STAU2: variants seen among roughly 807,000 people sequenced by gnomAD.
The protein encoded by STAU2 is double-stranded RNA-binding protein Staufen homolog 2.
A neutral mutation model predicts 65.9 loss-of-function variants in STAU2; 20 were observed. The ratio of observed to expected loss-of-function variants is 0.30; its 90% confidence interval spans 0.21 to 0.44. The LOEUF (loss-of-function observed/expected upper bound fraction) is 0.44. Among genes scored for constraint, STAU2 ranks in the 20% least tolerant of loss-of-function variants. STAU2 has a pLI of 1.00. For missense variants in STAU2, 558 were observed against 683.9 expected, an observed-to-expected ratio of 0.82 and a Z score of 2.05; for synonymous variants, 232 against 233.9, an observed-to-expected ratio of 0.99 and a Z score of 0.07.
chr8:73,483,259 C>G (rs1213133808), intron 13 of STAU2, among the ~76,000 whole-genome samples: 3 of 151,872 alleles, frequency 2.0e-5, no homozygotes, highest in Non-Finnish European at 4.4e-5. Context: ...AAAATAAAAC[C>G]AAAAAGCATG....
chr8:73,524,886 G>A (rs989303170), intron 13 of STAU2, among the ~76,000 whole-genome samples: 5 of 152,184 alleles, frequency 3.3e-5, no homozygotes, highest in African/African-American at 1.2e-4. Flanking sequence ...AGATCAAGTT[G>A]ATGCTGCTAC....
At chr8:73,681,324 A>G (rs143888442) in intron 5 of STAU2, among the ~76,000 whole-genome samples, 119 of 152,366 alleles carry the variant, frequency 7.8e-4, no homozygotes, top group Middle Eastern at 3.4e-3. Context: ...GCCTCCTTAA[A>G]TAAAATAATT....
chr8:73,626,425 A>G (rs1240912089), intron 6 of STAU2, among the ~76,000 whole-genome samples: 1 of 152,238 alleles, frequency 6.6e-6, no homozygotes, highest in East Asian at 1.9e-4. Flanking sequence ...TCAGAACTTA[A>G]TTCCACATGA....
At chr8:73,591,895 A>AAAC (rs1288044750) in intron 11 of STAU2, among the ~76,000 whole-genome samples, 1 of 129,514 alleles carries the variant, frequency 7.7e-6, no homozygotes, top group African/African-American at 3.0e-5. Context: ...AAAAAAAAAA[A>AAAC]AAAAAAAAAA....
chr8:73,715,922 CTT>C (rs945006935), intron 3 of STAU2, among the ~76,000 whole-genome samples: 3 of 148,672 alleles, frequency 2.0e-5, no homozygotes, highest in African/African-American at 7.4e-5. Context: ...TATTTATCTT[CTT>C]TTTTTTTTGA....
chr8:73,699,137 C>T (rs1464687845), intron 4 of STAU2, among the ~76,000 whole-genome samples: 3 of 151,702 alleles, frequency 2.0e-5, no homozygotes, highest in Non-Finnish European at 4.4e-5. Context: ...TTCCTTGAAA[C>T]GAATGGTAAA....
In STAU2 at chr8:73,687,151, T is replaced by C; in HGVS notation, c.274+1503A>G. On this transcript the variant is annotated intron_variant, in intron 5 of 14. Transcript: ENST00000524300. ...TATATATTATATAAATTTATATAAA[T>C]TATATTTATATAATTATGTATAATT... Among the ~76,000 whole-genome samples, 7 of 143,656 alleles carry C rather than the reference T, an allele frequency of 4.9e-5. No homozygotes were observed. In the South Asian group the frequency reaches 1.5e-3, roughly 30 times the overall value. The allele number at this position is 143,656 out of a possible 152,430, so 94.2% of individuals were successfully genotyped here. A position where few individuals can be genotyped will look rare whatever the true frequency, so the allele number is the denominator to read the frequency against.
At chr8:73,663,534 C>A (rs1250107745) in intron 6 of STAU2, among the ~76,000 whole-genome samples, 1 of 151,634 alleles carries the variant, frequency 6.6e-6, no homozygotes, top group African/African-American at 2.4e-5. Context: ...CAATTTTGTT[C>A]TTTTCAAAAT....
chr8:73,523,196 CA>C lies in STAU2; in HGVS notation c.1530+28815del, dbSNP rs763732188. The stretch of plus-strand genomic sequence containing the variant: ...GGGTGACAGAGCAAGACTTTGTCTC[CA>C]AAAAAAAAAAAAAAAAAAAAAAGAA... On this transcript the variant is annotated intron_variant, in intron 13 of 14. Transcript: ENST00000524300. Among the ~76,000 whole-genome samples the C allele has an allele frequency of 6.7e-3, 530 of 78,598 alleles. 2 individuals carry two copies. The highest frequency in any genetic ancestry group is 0.013 in the African/African-American group (261 of 19,856). The allele number at this position is 78,598 out of a possible 152,430, so 51.6% of individuals were successfully genotyped here.
intron 3 of STAU2, among the ~76,000 whole-genome samples, chr8:73,716,000 C>T (rs191208655): frequency 6.6e-6 from 1 of 152,076 alleles, no homozygotes. Context: ...CTGCAAGCTC[C>T]GCCTCCCAAG....
At chr8:73,553,406 T>C (rs1807481758) in intron 12 of STAU2, among the ~76,000 whole-genome samples, 1 of 152,208 alleles carries the variant, frequency 6.6e-6, no homozygotes, top group Non-Finnish European at 1.5e-5. Context: ...TTCTATAACA[T>C]GGTCCCCAAA....
chr8:73,452,437 T>A (rs1818849887), intron 13 of STAU2, among the ~76,000 whole-genome samples: 1 of 152,200 alleles, frequency 6.6e-6, no homozygotes, highest in Non-Finnish European at 1.5e-5. Flanking sequence ...TTTCCTGCCA[T>A]GCATCCCACG....
intron 10 of STAU2, among the ~76,000 whole-genome samples, chr8:73,602,176 C>G (rs1811679260): frequency 6.6e-6 from 1 of 152,038 alleles, no homozygotes. Flanking sequence ...TAAGGTCCTA[C>G]TATTTACAAA....
intron 13 of STAU2, among the ~76,000 whole-genome samples, chr8:73,488,192 C>G (rs1030548051): frequency 1.3e-5 from 2 of 152,010 alleles, no homozygotes; most frequent in South Asian, 4.1e-4. Context: ...ATTACCTTAA[C>G]TTGTAAACAT....
At chr8:73,525,414 G>A (rs1213685095) in intron 13 of STAU2, among the ~76,000 whole-genome samples, 1 of 152,172 alleles carries the variant, frequency 6.6e-6, no homozygotes, top group Non-Finnish European at 1.5e-5. Context: ...GCAGTAAAAT[G>A]CCTTGAGGAA....
At chr8:73,585,298 T>C (rs530572673) in intron 11 of STAU2, among the ~76,000 whole-genome samples, 359 of 152,232 alleles carry the variant, frequency 2.4e-3, no homozygotes, top group Non-Finnish European at 4.0e-3. Context: ...CTGACCAACA[T>C]GGAGAAACCC....
chr8:73,724,098 C>G (rs1163998081), intron 3 of STAU2, among the ~76,000 whole-genome samples: 2 of 152,202 alleles, frequency 1.3e-5, no homozygotes, highest in Non-Finnish European at 2.9e-5. Context: ...CTCTATGTCA[C>G]ATCCTGGAAA....
chr8:73,667,864 T>C (rs977577879), intron 6 of STAU2, among the ~76,000 whole-genome samples: 2 of 152,188 alleles, frequency 1.3e-5, no homozygotes, highest in South Asian at 2.1e-4. Flanking sequence ...TTGTGCAAGA[T>C]CACTTAACTA....
intron 13 of STAU2, among the ~76,000 whole-genome samples, chr8:73,444,746 A>ATGTG (rs1818375209): frequency 1.3e-5 from 2 of 152,200 alleles, no homozygotes; most frequent in South Asian, 2.1e-4. Context: ...TCTGGCTCAC[A>ATGTG]AAGCCCAGCA....
Sources: allele counts gnomAD v4.1 joint callset (sites outside exome capture counted in the v4.1 genomes callset), GRCh38; gene constraint gnomAD v4.1.1; transcripts MANE v1.5; gene names NCBI Gene and HGNC (gene_info 2026-07-23, HGNC 2026-07-21).